TACC2: variants seen among roughly 807,000 people sequenced by gnomAD.
TACC2 encodes transforming acidic coiled-coil containing protein 2.
A neutral mutation model predicts 227.3 loss-of-function variants in TACC2; 137 were observed. The observed-to-expected ratio is 0.60, with a 90% CI of 0.52 to 0.69. TACC2 has a LOEUF of 0.69. Ranked by LOEUF, TACC2 falls within the 30% of genes least tolerant of loss-of-function variation. The pLI, the probability that TACC2 is intolerant of heterozygous loss-of-function variation, is 0.00. For missense variants in TACC2, 3,470 were observed against 3,694.4 expected, an observed-to-expected ratio of 0.94 and a Z score of 1.57; for synonymous variants, 1,523 against 1,487.5, an observed-to-expected ratio of 1.02 and a Z score of -0.55.
At chr10:122,189,147 T>A (rs2094321007) in intron 7 of TACC2, among the ~76,000 whole-genome samples, 1 of 152,144 alleles carries the variant, frequency 6.6e-6, no homozygotes, top group South Asian at 2.1e-4. Flanking sequence ...ATCATACTGT[T>A]TTATGCCAGC....
chr10:122,183,182 G>A (rs548286766), intron 7 of TACC2, among the ~76,000 whole-genome samples: 169 of 150,662 alleles, frequency 1.1e-3, no homozygotes, highest in Non-Finnish European at 2.2e-3. Flanking sequence ...TCCAGCCTGG[G>A]TAACAGAGTG....
At chr10:122,238,594 C>A (rs1462824943) in intron 18 of TACC2, among the ~76,000 whole-genome samples, 1 of 152,124 alleles carries the variant, frequency 6.6e-6, no homozygotes, top group East Asian at 1.9e-4. Context: ...GGATTACAGG[C>A]GCCTGCCACC....
intron 12 of TACC2, among the ~76,000 whole-genome samples, chr10:122,225,240 G>A (rs1442973417): frequency 1.3e-5 from 2 of 152,214 alleles, no homozygotes; most frequent in Non-Finnish European, 2.9e-5. Flanking sequence ...TGCTGCCCTA[G>A]GGCATGTTAT....
In TACC2 at chr10:122,210,760, C is replaced by G; in HGVS notation, c.6335C>G (p.Ala2112Gly). 1 of 1,613,916 alleles carries G rather than the reference C, an allele frequency of 6.2e-7. No homozygotes were observed. The highest frequency in any genetic ancestry group is 1.1e-5 in the South Asian group (1 of 91,054). Residue 2112 changes from alanine to glycine, a missense_variant, in exon 9 of 23, where the codon GCA (alanine) becomes GGA (glycine). Transcript: ENST00000369005. The surrounding 1 kb of genome is among the most constrained non-coding windows in gnomAD (Gnocchi z 4.6). ...NPEAVALAPD[A>G]YSTGSSSASS... ...GAGGCCGTGGCCCTTGCCCCAGATG[C>G]ATATAGCACGGGTTCCAGCAGTGCT...
chr10:122,008,249 A>ACTG (rs1955447999), intron 1 of TACC2, among the ~76,000 whole-genome samples: 1 of 124,324 alleles, frequency 8.0e-6, no homozygotes, highest in African/African-American at 3.1e-5. Flanking sequence ...TCCCTTTGTT[A>ACTG]TTATTATTAT....
intron 6 of TACC2, among the ~76,000 whole-genome samples, chr10:122,134,238 C>G (rs535108191): frequency 1.3e-5 from 2 of 150,454 alleles, no homozygotes; most frequent in South Asian, 4.2e-4. Context: ...GTGGCACAAT[C>G]TCTGCTCACT....
intron 1 of TACC2, among the ~76,000 whole-genome samples, chr10:122,007,447 T>C (rs2055071018): frequency 1.3e-5 from 2 of 152,204 alleles, no homozygotes; most frequent in Admixed American, 1.3e-4. Context: ...TCATAGTTGG[T>C]CTCAGGGTGT....
intron 8 of TACC2, among the ~76,000 whole-genome samples, chr10:122,204,657 A>G (rs1004401172): frequency 6.6e-6 from 1 of 152,150 alleles, no homozygotes; most frequent in Non-Finnish European, 1.5e-5. Flanking sequence ...GCAGCATAGC[A>G]AGACTGCATC....
chr10:122,071,719 C>CAAAAA (rs145636754), intron 3 of TACC2, among the ~76,000 whole-genome samples: 2 of 108,596 alleles, frequency 1.8e-5, no homozygotes, highest in African/African-American at 7.1e-5. Flanking sequence ...ACTAAAAATA[C>CAAAAA]AAAAAAAAAA....
intron 3 of TACC2, among the ~76,000 whole-genome samples, chr10:122,075,040 G>A (rs925713893): frequency 6.6e-6 from 1 of 151,986 alleles, no homozygotes; most frequent in Middle Eastern, 3.2e-3. Flanking sequence ...CTAATTAATC[G>A]CAACCCTTTC....
intron 3 of TACC2, among the ~76,000 whole-genome samples, chr10:122,061,140 T>G (rs2076769314): frequency 6.8e-6 from 1 of 146,528 alleles, no homozygotes; most frequent in African/African-American, 2.6e-5. Flanking sequence ...AAACCCCATC[T>G]CTACTAAAAA....
rs2090622065 is a variant in TACC2 at position 122,141,900 on chromosome 10, C to T, written c.5700-1672C>T. ...TAGTAGTTTGCGTTTGTAAGTGGTC[C>T]ATTTGCCGATTATGAGTACATGTCA... On this transcript the variant is annotated intron_variant, in intron 6 of 22. Coordinates refer to ENST00000369005, the MANE Select transcript of TACC2 (RefSeq NM_206862.4). This position sits in a 1 kb window ranked among gnomAD's most constrained non-coding sequence, Gnocchi z 4.3. Among the ~76,000 whole-genome samples the T allele has an allele frequency of 6.6e-6, 1 of 152,116 alleles. No individual in the cohort carries two copies. Among genetic ancestry groups the T allele is most frequent in the Non-Finnish European group, 1.5e-5 (1 of 68,028 alleles).
intron 7 of TACC2, among the ~76,000 whole-genome samples, chr10:122,179,575 G>A (rs1240123687): frequency 6.6e-6 from 1 of 152,072 alleles, no homozygotes; most frequent in Admixed American, 6.6e-5. Flanking sequence ...CCTTGGAGGC[G>A]AGCAAGCTCC....
rs1555059268 is a variant in TACC2, at chr10:122,132,082, G to GGAAGGAAGGAAGGAAGGAAGGAAGAA, written c.5574-527_5574-526insGAAGGAAGGAAGGAAGGAAGGAAGAA. 4.4e-5 allele frequency among the ~76,000 whole-genome samples: 6 copies of GGAAGGAAGGAAGGAAGGAAGGAAGAA among 136,092 alleles called. 1 individual carries two copies. Among genetic ancestry groups the GGAAGGAAGGAAGGAAGGAAGGAAGAA allele is most frequent in the African/African-American group, 1.5e-4 (5 of 33,932 alleles). The allele number at this position is 136,092 out of a possible 152,430, so 89.3% of individuals were successfully genotyped here. ...AAAGAAAGAAAAAGAAAGAAAGAAA[G>GGAAGGAAGGAAGGAAGGAAGGAAGAA]AGAAAGATCTACAAAGGTTTCTAAA... On this transcript the variant is annotated intron_variant, in intron 5 of 22. Coordinates refer to ENST00000369005, the MANE Select transcript of TACC2 (RefSeq NM_206862.4).
intron 5 of TACC2, among the ~76,000 whole-genome samples, chr10:122,096,133 G>T (rs770319547): frequency 1.2e-4 from 19 of 152,200 alleles, no homozygotes; most frequent in Non-Finnish European, 2.4e-4. Flanking sequence ...CCAAGTGGTT[G>T]TGTCTCTAGA....
Position 122,004,741 on chromosome 10 carries a change from G to A in TACC2, c.-46+15253G>A, listed in dbSNP as rs73366498. Among the ~76,000 whole-genome samples, 879 of 152,262 alleles carry A rather than the reference G, an allele frequency of 5.8e-3. 10 individuals carry two copies. The highest frequency in any genetic ancestry group is 0.021 in the African/African-American group (856 of 41,548). ...TGAATTTTGGGGGAGGCCAATTTAA[G>A]TAGTAATAAAACTGGCTCTACATGT... On this transcript the variant is annotated intron_variant, in intron 1 of 22. Coordinates refer to ENST00000369005, the MANE Select transcript of TACC2 (RefSeq NM_206862.4).
At chr10:122,251,952 A>G (rs1323101305) in intron 22 of TACC2, among the ~76,000 whole-genome samples, 4 of 152,300 alleles carry the variant, frequency 2.6e-5, no homozygotes, top group East Asian at 1.9e-4. Flanking sequence ...GTCCCATCTT[A>G]AAGAGATTCA....
Position 122,087,709 on chromosome 10 carries a change from G to A in TACC2, c.5209G>A (p.Ala1737Thr), listed in dbSNP as rs1253321445. 1 of 1,612,838 alleles carries A rather than the reference G, an allele frequency of 6.2e-7. No homozygotes were observed. Among genetic ancestry groups the A allele is most frequent in the Non-Finnish European group, 8.5e-7 (1 of 1,179,836 alleles). ...AGTTRTFSVV[A>T]GDLVLPGSCQ... ...TACTACGAGGACATTCTCCGTTGTG[G>A]CAGGTGACTTGGTGCTGCCAGGAAG... The change falls in exon 4 of 23, where the codon GCA becomes ACA. Residue 1737 changes from alanine (A) to threonine (T), a missense_variant. Physicochemically the swap from Ala to Thr is moderately conservative, Grantham distance 58. Coordinates refer to ENST00000369005, the MANE Select transcript of TACC2 (RefSeq NM_206862.4).
At chr10:122,057,611 T>G (rs1381218651) in intron 3 of TACC2, among the ~76,000 whole-genome samples, 1 of 151,808 alleles carries the variant, frequency 6.6e-6, no homozygotes, top group African/African-American at 2.4e-5. Context: ...GAGACCAGCC[T>G]GACCAACATG....
Sources: gnomAD v4.1 joint callset for allele counts (sites outside exome capture counted in the v4.1 genomes callset) on GRCh38, gnomAD v4.1.1 for gene constraint, Gnocchi (gnomAD v3.1) non-coding constraint, MANE v1.5 for transcripts, NCBI Gene and HGNC (gene_info 2026-07-23, HGNC 2026-07-21) for gene names.